The following ADCY2 variants were observed in gnomAD, a reference collection of about 807,000 sequenced individuals.
ADCY2 encodes the protein adenylate cyclase 2.
A neutral mutation model predicts 125.2 loss-of-function variants in ADCY2; 31 were observed. That is an observed-to-expected ratio of 0.25 (90% CI 0.19 to 0.33). ADCY2 has a LOEUF of 0.33. Among genes scored for constraint, ADCY2 ranks in the 10% least tolerant of loss-of-function variants. ADCY2 has a pLI of 1.00. For missense variants in ADCY2, 904 were observed against 1,418.2 expected (o/e 0.64, Z 5.82); for synonymous variants, 512 against 548.4 (o/e 0.93, Z 0.93).
intron 4 of ADCY2, among the ~76,000 whole-genome samples, chr5:7,642,830 A>G (rs193028236): frequency 6.6e-6 from 1 of 152,238 alleles, no homozygotes; most frequent in Admixed American, 6.5e-5. Context: ...AATTCCAACA[A>G]AGAATTTCAT....
At chr5:7,398,146 C>T (rs1410690964) in intron 1 of ADCY2, among the ~76,000 whole-genome samples, 2 of 152,214 alleles carry the variant, frequency 1.3e-5, no homozygotes, top group Non-Finnish European at 2.9e-5. Context: ...TTCAAACCTG[C>T]TCTGGCTTGT....
At chr5:7,635,533 TG>T (rs1315767286) in intron 4 of ADCY2, among the ~76,000 whole-genome samples, 1 of 152,140 alleles carries the variant, frequency 6.6e-6, no homozygotes, top group Non-Finnish European at 1.5e-5. Context: ...CTTTATTTAT[TG>T]GGAGGTAAGG....
chr5:7,601,972 T>C (rs77425387), intron 3 of ADCY2, among the ~76,000 whole-genome samples: 7,973 of 152,276 alleles, frequency 0.052, 612 homozygotes, highest in African/African-American at 0.17. Context: ...CGGGAGGATC[T>C]TCCCTTCTCT....
Position 7,638,463 on chromosome 5 carries a change from G to A in ADCY2, c.720+12147G>A, listed in dbSNP as rs1738581450. Reference sequence around the variant, plus strand: ...CTTCTAGTGTGTTTCTGTTCCTTCAGGGCAGGAACCAATGATTGGAGGAAC... The same window carrying A: ...CTTCTAGTGTGTTTCTGTTCCTTCAAGGCAGGAACCAATGATTGGAGGAAC... On this transcript the variant is annotated intron_variant, in intron 4 of 24. Transcript: ENST00000338316. Among the ~76,000 whole-genome samples the A allele has an allele frequency of 2.0e-5, 3 of 152,092 alleles. No individual in the cohort carries two copies. The South Asian group carries it at 6.2e-4, about 32-fold the overall frequency.
At chr5:7,544,491 G>A (rs1443111163) in intron 3 of ADCY2, among the ~76,000 whole-genome samples, 1 of 151,974 alleles carries the variant, frequency 6.6e-6, no homozygotes, top group East Asian at 1.9e-4. Flanking sequence ...TCATACTCCT[G>A]CCTCCATCTT....
chr5:7,567,610 A>AT (rs1432547786), intron 3 of ADCY2, among the ~76,000 whole-genome samples: 1 of 152,204 alleles, frequency 6.6e-6, no homozygotes, highest in Non-Finnish European at 1.5e-5. Flanking sequence ...AGTCTAAGTT[A>AT]ATATGGTTGT....
chr5:7,790,181 G>T (rs1395234568), intron 20 of ADCY2, among the ~76,000 whole-genome samples: 5 of 151,220 alleles, frequency 3.3e-5, no homozygotes, highest in African/African-American at 1.2e-4. Context: ...CGCAATGGAG[G>T]CTCAAACCAA....
rs149861595 is a variant in ADCY2 at position 7,523,506 on chromosome 5, A to T, written c.570+2607A>T. The stretch of plus-strand genomic sequence containing the variant: ...GAACAACACCCAAAAGAACAGAATA[A>T]CATGAAGTCCATTTCCCATTTTCTC... On this transcript the variant is annotated intron_variant, in intron 3 of 24. Transcript: ENST00000338316. Among the ~76,000 whole-genome samples, 39 of 152,326 alleles carry T rather than the reference A, an allele frequency of 2.6e-4. No homozygotes were observed. The East Asian group carries it at 7.5e-3, about 29-fold the overall frequency.
chr5:7,565,400 C>T (rs770866138), intron 3 of ADCY2, among the ~76,000 whole-genome samples: 2 of 152,100 alleles, frequency 1.3e-5, no homozygotes, highest in Non-Finnish European at 2.9e-5. Flanking sequence ...CTGAAATAAC[C>T]GCAGAACTTA....
intron 3 of ADCY2, among the ~76,000 whole-genome samples, chr5:7,528,550 A>T (rs1734545677): frequency 6.6e-6 from 1 of 152,196 alleles, no homozygotes; most frequent in South Asian, 2.1e-4. Context: ...AAAGGAGCAT[A>T]AAAAAGAAGA....
At chr5:7,431,544 TGATA>T (rs1369626690) in intron 2 of ADCY2, among the ~76,000 whole-genome samples, 5 of 150,730 alleles carry the variant, frequency 3.3e-5, no homozygotes, top group Non-Finnish European at 5.9e-5. Context: ...AAAAAAACCC[TGATA>T]GATAAAATTT....
rs1184508095 is a variant in ADCY2, at chr5:7,718,179, C to G, written c.1703+942C>G. 4.7e-5 allele frequency among the ~76,000 whole-genome samples: 6 copies of G among 127,166 alleles called. No individual in the cohort carries two copies. The East Asian group carries it at 1.3e-3, about 27-fold the overall frequency. The allele number at this position is 127,166 out of a possible 152,430, so 83.4% of individuals were successfully genotyped here. A position where few individuals can be genotyped will look rare whatever the true frequency, so the allele number is the denominator to read the frequency against. On this transcript the variant is annotated intron_variant, in intron 12 of 24. Coordinates refer to ENST00000338316, the MANE Select transcript of ADCY2 (RefSeq NM_020546.3). ...TTTTTTTTTTTTTGAGACAGAGTCT[C>G]GCTCTGTTGCCCAGGCTGGAGTGCA...
chr5:7,818,983 G>A (rs930991247), intron 23 of ADCY2, among the ~76,000 whole-genome samples: 12 of 152,194 alleles, frequency 7.9e-5, no homozygotes, highest in Admixed American at 2.0e-4. Flanking sequence ...ACATTAGGCC[G>A]TCTGCAAGCC....
At chr5:7,644,866 A>G (rs1738842436) in intron 4 of ADCY2, among the ~76,000 whole-genome samples, 1 of 152,144 alleles carries the variant, frequency 6.6e-6, no homozygotes. Context: ...TTCTTGCCAT[A>G]CAGTAGTATC....
intron 2 of ADCY2, among the ~76,000 whole-genome samples, chr5:7,518,558 GA>G (rs933056853): frequency 1.3e-5 from 2 of 152,088 alleles, no homozygotes; most frequent in Non-Finnish European, 2.9e-5. Flanking sequence ...ATATTTACCA[GA>G]AAAAAATATT....
At position 7,512,551 on chromosome 5, in the gene ADCY2, C is replaced by G. The variant is rs151218702; in HGVS notation, c.409-8187C>G. 7.2e-5 allele frequency among the ~76,000 whole-genome samples: 11 copies of G among 152,150 alleles called. No individual in the cohort carries two copies. The East Asian group carries it at 1.5e-3, about 21-fold the overall frequency. On this transcript the variant is annotated intron_variant, in intron 2 of 24. Coordinates refer to ENST00000338316, the MANE Select transcript of ADCY2 (RefSeq NM_020546.3). ...TTATTAAATGAGATGGGAGAGAGTACAAGAAGGACAGAGATTCATTGGAGT... is the reference window on the plus strand; with the variant it reads ...TTATTAAATGAGATGGGAGAGAGTAGAAGAAGGACAGAGATTCATTGGAGT...
chr5:7,609,781 A>G (rs576633413), intron 3 of ADCY2, among the ~76,000 whole-genome samples: 2 of 152,332 alleles, frequency 1.3e-5, no homozygotes, highest in South Asian at 4.1e-4. Context: ...CTCCAGTGAT[A>G]TTGGAGACAT....
chr5:7,445,540 G>C (rs1049344371), intron 2 of ADCY2, among the ~76,000 whole-genome samples: 1 of 152,082 alleles, frequency 6.6e-6, no homozygotes, highest in Non-Finnish European at 1.5e-5. Context: ...ATGTTTTTAT[G>C]GGGATTGCAT....
chr5:7,520,391 T>G (rs567876316), intron 2 of ADCY2, among the ~76,000 whole-genome samples: 1 of 152,166 alleles, frequency 6.6e-6, no homozygotes, highest in African/African-American at 2.4e-5. Flanking sequence ...TGGGTCTCCC[T>G]TTGCAGTTTG....
Sources: allele counts gnomAD v4.1 joint callset (sites outside exome capture counted in the v4.1 genomes callset), GRCh38; gene constraint gnomAD v4.1.1; transcripts MANE v1.5; gene names NCBI Gene and HGNC (gene_info 2026-07-23, HGNC 2026-07-21).